The following DNAH12 variants were observed in gnomAD, a reference collection of about 807,000 sequenced individuals.
DNAH12 encodes the protein dynein axonemal heavy chain 12.
DNAH12 carries 285 observed loss-of-function variants against 371.5 expected under a neutral mutation model. The ratio of observed to expected loss-of-function variants is 0.77; its 90% CI spans 0.70 to 0.85. The LOEUF (loss-of-function observed/expected upper bound fraction) is 0.85, where lower values mean the gene tolerates loss of function less well. Ranked by LOEUF, DNAH12 falls within the 40% of genes least tolerant of loss-of-function variation. The pLI is 0.00. For synonymous variants in DNAH12, 1,200 were observed against 1,213.0 expected (o/e 0.99, Z 0.22); for missense variants, 3,611 against 3,689.4 (o/e 0.98, Z 0.55).
chr3:57,338,073 C>T (rs942277234), intron 60 of DNAH12, among the ~76,000 whole-genome samples: 15 of 152,316 alleles, frequency 9.8e-5, no homozygotes, highest in African/African-American at 3.4e-4. Flanking sequence ...ACTGTACTGC[C>T]GTGATCTTGG....
intron 55 of DNAH12, among the ~76,000 whole-genome samples, chr3:57,374,258 T>C (rs1162638960): frequency 6.6e-6 from 1 of 152,148 alleles, no homozygotes; most frequent in Admixed American, 6.6e-5. Context: ...GGGATAATAA[T>C]AATACCTAAC....
chr3:57,438,490 A>C (rs1352073292), intron 29 of DNAH12, among the ~76,000 whole-genome samples: 1 of 152,190 alleles, frequency 6.6e-6, no homozygotes, highest in Admixed American at 6.5e-5. Flanking sequence ...GAAGAAGTCA[A>C]ACTGTCTTCT....
intron 43 of DNAH12, among the ~76,000 whole-genome samples, chr3:57,396,091 C>T (rs2063730835): frequency 6.6e-6 from 1 of 151,610 alleles, no homozygotes. Context: ...CCAGCCTGAC[C>T]AACATGGAGA....
At position 57,301,745 on chromosome 3, in the gene DNAH12, T is replaced by G. The variant is rs1193731930; in HGVS notation, c.11384A>C (p.Asn3795Thr). The G allele has an allele frequency of 6.5e-7, 1 of 1,537,014 alleles. No homozygotes were observed. The highest frequency in any genetic ancestry group is 2.0e-5 in the Admixed American group (1 of 50,190). Residue 3795 changes from asparagine (N) to threonine (T), a missense_variant, in exon 70 of 74, where the codon AAC becomes ACC. Transcript: ENST00000495027. Reference sequence around the variant, plus strand: ...ACACACACATTTTACCTGTAAAAAGTTCAACCGGGCTAGGAAATCTGTGAT... The same window carrying G: ...ACACACACATTTTACCTGTAAAAAGGTCAACCGGGCTAGGAAATCTGTGAT... ...SYITDFLARL[N>T]FLQDWYNSGK... is the part of the protein sequence containing the mutation.
chr3:57,424,955 T>C, intron 35 of DNAH12, 67 bp downstream of exon 35: 1 of 660,874 alleles, frequency 1.5e-6, no homozygotes, highest in Non-Finnish European at 2.7e-6. Flanking sequence ...TCTTTCTCAA[T>C]ATAAACATCA....
chr3:57,497,280 G>A (rs1457303279), intron 11 of DNAH12, among the ~76,000 whole-genome samples: 1 of 152,146 alleles, frequency 6.6e-6, no homozygotes, highest in Non-Finnish European at 1.5e-5. Context: ...ACCTAGAACA[G>A]TCAAAATAAT....
chr3:57,417,962 C>T (rs2064432569), intron 37 of DNAH12, among the ~76,000 whole-genome samples: 1 of 151,926 alleles, frequency 6.6e-6, no homozygotes. Context: ...ACCAGCCTGG[C>T]CAATATGGTG....
chr3:57,449,272 G>C (rs367566336), intron 25 of DNAH12, among the ~76,000 whole-genome samples: 11 of 152,124 alleles, frequency 7.2e-5, no homozygotes, highest in African/African-American at 1.9e-4. Context: ...TCAGAAGCCC[G>C]GCTGGCTTCA....
At chr3:57,334,672 A>G in intron 61 of DNAH12, 63 bp from the exon 62 acceptor site, 1 of 1,512,234 alleles carries the variant, frequency 6.6e-7, no homozygotes, top group Non-Finnish European at 8.8e-7. Flanking sequence ...AGATTGTTGA[A>G]CAAGGAGTAG....
intron 12 of DNAH12, 75 bp from the exon 13 acceptor site, chr3:57,483,586 G>T (rs150105536): frequency 7.2e-7 from 1 of 1,394,814 alleles, no homozygotes; most frequent in Non-Finnish European, 9.5e-7. Context: ...GTGTTATGAC[G>T]ATTACTATAA....
chr3:57,500,468 G>A (rs1346663979), intron 11 of DNAH12, among the ~76,000 whole-genome samples: 3 of 152,064 alleles, frequency 2.0e-5, no homozygotes, highest in African/African-American at 4.8e-5. Flanking sequence ...CTTACATTTC[G>A]AACTTCATCA....
rs185613220 is a variant in DNAH12 at position 57,449,709 on chromosome 3, G to T, written c.3787-3020C>A. ...CCCGCAAGCGCCGCACGCAGCCTTGGTTCCCGCTCGCGCCTCTCCCTCCAC... is the reference window on the plus strand; with the variant it reads ...CCCGCAAGCGCCGCACGCAGCCTTGTTTCCCGCTCGCGCCTCTCCCTCCAC... On this transcript the variant is annotated intron_variant, in intron 25 of 73. Coordinates refer to ENST00000495027, the MANE Select transcript of DNAH12 (RefSeq NM_001366028.2). Among the ~76,000 whole-genome samples, 472 of 152,298 alleles carry T rather than the reference G, an allele frequency of 3.1e-3. 3 individuals are homozygous for T. Among genetic ancestry groups the T allele is most frequent in the African/African-American group, 0.01 (436 of 41,576 alleles).
At chr3:57,308,752 C>G (rs1256261697) in intron 69 of DNAH12, among the ~76,000 whole-genome samples, 2 of 152,196 alleles carry the variant, frequency 1.3e-5, no homozygotes, top group Non-Finnish European at 2.9e-5. Flanking sequence ...CAAGGCTACG[C>G]TGAACCTCCT....
intron 34 of DNAH12, 180 bp downstream of exon 34, chr3:57,428,453 A>G (rs1316114959): frequency 2.0e-6 from 3 of 1,532,438 alleles, no homozygotes; most frequent in Non-Finnish European, 1.8e-6. Flanking sequence ...TTTAGCTGGA[A>G]TAATTCAACC....
chr3:57,435,517 G>A (rs1435545825), intron 30 of DNAH12, among the ~76,000 whole-genome samples: 1 of 152,074 alleles, frequency 6.6e-6, no homozygotes, highest in African/African-American at 2.4e-5. Context: ...TAAAAGGTAT[G>A]GCTTATTAAG....
intron 43 of DNAH12, among the ~76,000 whole-genome samples, chr3:57,395,049 T>A (rs2063708474): frequency 6.6e-6 from 1 of 152,180 alleles, no homozygotes; most frequent in South Asian, 2.1e-4. Flanking sequence ...AAAATATAAT[T>A]ATATTTAAAA....
Position 57,504,136 on chromosome 3 carries a change from C to T in DNAH12, c.966G>A (p.Arg322=). ...TCAATTCTATCTTAAATATTGGCAG[C>T]CTTTGTTGATCTTTTGGGTCAAAGA... ...VKLFDPKDQQ[R]LPIFKIELTF... is the part of the protein sequence containing the mutation. The change falls in exon 9 of 74, where the codon AGG becomes AGA. Residue 322 remains arginine, a synonymous_variant. Coordinates refer to ENST00000495027, the MANE Select transcript of DNAH12 (RefSeq NM_001366028.2). 1 of 1,613,860 alleles carries T rather than the reference C, an allele frequency of 6.2e-7. No homozygotes were observed. The highest frequency in any genetic ancestry group is 8.5e-7 in the Non-Finnish European group (1 of 1,179,882).
At chr3:57,337,027 A>G (rs561803057) in intron 60 of DNAH12, among the ~76,000 whole-genome samples, 20 of 151,746 alleles carry the variant, frequency 1.3e-4, no homozygotes, top group Middle Eastern at 3.4e-3. Context: ...ACCTGAAAAG[A>G]CAGAGACTGA....
At chr3:57,329,056 T>G (rs1177185049) in intron 62 of DNAH12, among the ~76,000 whole-genome samples, 1 of 148,324 alleles carries the variant, frequency 6.7e-6, no homozygotes, top group Non-Finnish European at 1.5e-5. Context: ...TCAATGAAAT[T>G]AAAGAGGATA....
Sources: allele counts gnomAD v4.1 joint callset (sites outside exome capture counted in the v4.1 genomes callset), GRCh38; gene constraint gnomAD v4.1.1; transcripts MANE v1.5; gene names NCBI Gene and HGNC (gene_info 2026-07-23, HGNC 2026-07-21).